Variants in NEDD4 observed in about 807,000 individuals in gnomAD.
NEDD4 encodes the protein E3 ubiquitin-protein ligase NEDD4.
In NEDD4, 99 loss-of-function variants were observed where a neutral mutation model predicts 144.9. The observed-to-expected ratio is 0.68, with a 90% CI of 0.58 to 0.81. NEDD4 has a LOEUF of 0.81. NEDD4 is among the 30% of genes least tolerant of loss of function. The pLI is 0.00. For synonymous variants in NEDD4, 318 were observed against 350.6 expected, an observed-to-expected ratio of 0.91 and a Z score of 1.04; for missense variants, 985 against 1,065.9, an observed-to-expected ratio of 0.92 and a Z score of 1.06.
rs138840707 is a variant in NEDD4, at chr15:55,828,945, C to A, written c.*952G>T. ...TAGCTTAATCTGTAAACATGATAAA[C>A]CCTGTAAACATACATTTACTACATA... On this transcript the variant is annotated 3_prime_UTR_variant, in exon 29 of 29. Coordinates refer to ENST00000435532, the MANE Select transcript of NEDD4 (RefSeq NM_006154.4). 3 of 152,338 alleles carry A rather than the reference C, an allele frequency of 2.0e-5. No homozygotes were observed. Among genetic ancestry groups the A allele is most frequent in the Admixed American group, 6.6e-5 (1 of 15,228 alleles). 9.4% of individuals were successfully genotyped at this position (152,338 alleles called of 1,614,324 possible). A position where few individuals can be genotyped will look rare whatever the true frequency, so the allele number is the denominator to read the frequency against.
At chr15:55,962,343 T>C (rs949334521) in intron 2 of NEDD4, among the ~76,000 whole-genome samples, 27 of 152,328 alleles carry the variant, frequency 1.8e-4, no homozygotes, top group African/African-American at 6.0e-4. Context: ...ATCTGTCTCA[T>C]ATTTATTTTA....
chr15:55,984,461 C>CAG (rs1483561821), intron 1 of NEDD4, among the ~76,000 whole-genome samples: 2 of 152,178 alleles, frequency 1.3e-5, no homozygotes, highest in African/African-American at 4.8e-5. Context: ...GTGCCTGGCA[C>CAG]AGAGTGGGTA....
At chr15:55,919,290 T>C (rs777292965) in intron 5 of NEDD4, among the ~76,000 whole-genome samples, 1 of 152,148 alleles carries the variant, frequency 6.6e-6, no homozygotes, top group Non-Finnish European at 1.5e-5. Context: ...TCTTTCAGGA[T>C]TTTTCTTGTT....
chr15:55,884,166 C>A (rs1470199200), intron 5 of NEDD4, among the ~76,000 whole-genome samples: 2 of 152,134 alleles, frequency 1.3e-5, no homozygotes, highest in Non-Finnish European at 2.9e-5. Context: ...AGGCATGAGC[C>A]ACCATGCCTG....
chr15:55,857,199 G>C (rs2034229228), intron 11 of NEDD4, among the ~76,000 whole-genome samples: 1 of 152,132 alleles, frequency 6.6e-6, no homozygotes, highest in African/African-American at 2.4e-5. Flanking sequence ...TACAGAAAAA[G>C]TTTCTATATA....
chr15:55,863,480 G>A (rs1408215402), intron 8 of NEDD4, among the ~76,000 whole-genome samples: 3 of 152,096 alleles, frequency 2.0e-5, no homozygotes, highest in African/African-American at 4.8e-5. Flanking sequence ...GTGATTTAAT[G>A]AGATTAATTA....
intron 9 of NEDD4, among the ~76,000 whole-genome samples, chr15:55,861,899 T>C (rs1288468654): frequency 6.6e-6 from 1 of 152,170 alleles, no homozygotes; most frequent in African/African-American, 2.4e-5. Context: ...TTTTGATACA[T>C]GGCTCTAAGG....
intron 17 of NEDD4, 132 bp from the exon 18 acceptor site, chr15:55,847,166 G>T: frequency 2.1e-6 from 1 of 483,350 alleles, no homozygotes; most frequent in Non-Finnish European, 3.7e-6. Context: ...TTAATTAGAA[G>T]AAAAACAAAT....
At chr15:55,831,134 G>A (rs1214236415) in intron 27 of NEDD4, among the ~76,000 whole-genome samples, 3 of 152,154 alleles carry the variant, frequency 2.0e-5, no homozygotes, top group African/African-American at 7.2e-5. Flanking sequence ...TGGCCAGGCT[G>A]GTCTCAAACC....
intron 4 of NEDD4, among the ~76,000 whole-genome samples, chr15:55,932,696 G>A (rs1242275598): frequency 6.6e-6 from 1 of 152,154 alleles, no homozygotes; most frequent in African/African-American, 2.4e-5. Flanking sequence ...AAGAGCTTCT[G>A]TACAGCAAAA....
At chr15:55,832,781 G>A (rs1195375266) in intron 27 of NEDD4, among the ~76,000 whole-genome samples, 2 of 152,098 alleles carry the variant, frequency 1.3e-5, no homozygotes, top group Admixed American at 6.5e-5. Flanking sequence ...AACGGAAAGT[G>A]ACTCAAGTCA....
chr15:55,941,485 T>G (rs1173317572), intron 4 of NEDD4, among the ~76,000 whole-genome samples: 2 of 152,178 alleles, frequency 1.3e-5, no homozygotes, highest in African/African-American at 4.8e-5. Context: ...GTTTAATTTC[T>G]AAACATTTGT....
chr15:55,862,077 G>A (rs188252529), intron 9 of NEDD4, among the ~76,000 whole-genome samples: 26 of 152,260 alleles, frequency 1.7e-4, no homozygotes, highest in African/African-American at 6.3e-4. Flanking sequence ...TTTGCAGTCT[G>A]TACGTCACTC....
Position 55,850,643 on chromosome 15 carries a change from ATGGCTGGGTCACCTGC to A in NEDD4, c.1230_1245del (p.Gln410HisfsTer40). ...GGAAGGAATCCTTGCTCAATTTCAG[ATGGCTGGGTCACCTGC>A]TGGCCTGAATCACTGGTGGAGGCTT... On this transcript the variant is annotated frameshift_variant, in exon 14 of 29. Transcript: ENST00000435532. LOFTEE classifies it high-confidence loss of function. 1.9e-6 allele frequency: 3 copies of A among 1,614,126 alleles called. No homozygotes were observed. Among genetic ancestry groups the A allele is most frequent in the Non-Finnish European group, 2.5e-6 (3 of 1,180,024 alleles).
chr15:55,834,551 G>A (rs1250653547), intron 24 of NEDD4, among the ~76,000 whole-genome samples: 1 of 152,114 alleles, frequency 6.6e-6, no homozygotes, highest in East Asian at 1.9e-4. Context: ...CAGCACTTTG[G>A]GAGGCTGGGT....
chr15:55,983,966 G>T (rs1285940955), intron 1 of NEDD4, among the ~76,000 whole-genome samples: 1 of 152,046 alleles, frequency 6.6e-6, no homozygotes, highest in Non-Finnish European at 1.5e-5. Flanking sequence ...ATAAAATATT[G>T]ATGTGTGATA....
chr15:55,951,304 G>A (rs2037233808), intron 4 of NEDD4, 72 bp downstream of exon 4: 2 of 651,350 alleles, frequency 3.1e-6, no homozygotes, highest in Admixed American at 3.9e-5. Flanking sequence ...TTAAAAATGA[G>A]AATTTATCAT....
At chr15:55,984,420 T>A (rs575453321) in intron 1 of NEDD4, among the ~76,000 whole-genome samples, 2 of 152,282 alleles carry the variant, frequency 1.3e-5, no homozygotes, top group African/African-American at 4.8e-5. Context: ...GTTGTGATGA[T>A]TACAGCTAAA....
intron 5 of NEDD4, among the ~76,000 whole-genome samples, chr15:55,879,185 T>C (rs1335507748): frequency 1.3e-5 from 2 of 151,962 alleles, no homozygotes; most frequent in Non-Finnish European, 1.5e-5. Context: ...TTAATTTACA[T>C]GAACAGTAAA....
Sources: allele counts gnomAD v4.1 joint callset (sites outside exome capture counted in the v4.1 genomes callset), GRCh38; gene constraint gnomAD v4.1.1; transcripts MANE v1.5; gene names NCBI Gene and HGNC (gene_info 2026-07-23, HGNC 2026-07-21).